SH3RF3: variants seen among roughly 807,000 people sequenced by gnomAD.
The protein encoded by SH3RF3 is E3 ubiquitin-protein ligase SH3RF3.
In SH3RF3, 29 loss-of-function variants were observed where a neutral mutation model predicts 66.3. The observed-to-expected ratio is 0.44, with a 90% CI of 0.33 to 0.60. The LOEUF is 0.60. SH3RF3 is among the 20% of genes least tolerant of loss of function. The pLI is 0.04. For missense variants in SH3RF3, 1,194 were observed against 1,190.9 expected (o/e 1.00, Z -0.04); for synonymous variants, 583 against 532.0 (o/e 1.10, Z -1.32).
At chr2:109,456,627 C>T (rs556447191) in intron 8 of SH3RF3, among the ~76,000 whole-genome samples, 1 of 152,320 alleles carries the variant, frequency 6.6e-6, no homozygotes, top group African/African-American at 2.4e-5. Context: ...AGCTGGCTGT[C>T]CCCAGTTCTC....
chr2:109,235,596 C>T (rs1480784550), intron 1 of SH3RF3, among the ~76,000 whole-genome samples: 2 of 152,236 alleles, frequency 1.3e-5, no homozygotes, highest in Non-Finnish European at 2.9e-5. Context: ...GATGCCATGG[C>T]ATGGGCCTCG....
chr2:109,348,250 A>G (rs1436155644), intron 2 of SH3RF3, among the ~76,000 whole-genome samples: 3 of 152,200 alleles, frequency 2.0e-5, no homozygotes, highest in African/African-American at 7.2e-5. Context: ...CCCTCAGTTA[A>G]CCTGAGTCAT....
At chr2:109,482,803 C>T (rs1033144915) in intron 8 of SH3RF3, among the ~76,000 whole-genome samples, 5 of 152,176 alleles carry the variant, frequency 3.3e-5, no homozygotes, top group East Asian at 1.9e-4. Flanking sequence ...CAACACGATG[C>T]GGCGGTCACG....
chr2:109,339,097 C>T (rs899106484), intron 1 of SH3RF3, among the ~76,000 whole-genome samples: 3 of 152,120 alleles, frequency 2.0e-5, no homozygotes, highest in Admixed American at 6.5e-5. Flanking sequence ...ATCATCTTCA[C>T]GTTGTGTGGG....
At chr2:109,456,710 C>T (rs914613276) in intron 8 of SH3RF3, among the ~76,000 whole-genome samples, 4 of 152,134 alleles carry the variant, frequency 2.6e-5, no homozygotes, top group East Asian at 1.9e-4. Context: ...TGCTGGTGAC[C>T]CTTTCAGGGT....
chr2:109,397,231 C>T (rs1339536173), intron 3 of SH3RF3, among the ~76,000 whole-genome samples: 1 of 152,190 alleles, frequency 6.6e-6, no homozygotes, highest in East Asian at 1.9e-4. Context: ...CCGCTTCCTC[C>T]TGCCCTGAGC....
At chr2:109,474,701 C>T (rs974241579) in intron 8 of SH3RF3, among the ~76,000 whole-genome samples, 8 of 152,226 alleles carry the variant, frequency 5.3e-5, no homozygotes, top group African/African-American at 7.2e-5. Context: ...TCCAAAGCAT[C>T]GCAGATACTT....
intron 1 of SH3RF3, among the ~76,000 whole-genome samples, chr2:109,257,518 G>GC (rs1680249852): frequency 6.6e-6 from 1 of 152,158 alleles, no homozygotes; most frequent in Non-Finnish European, 1.5e-5. Flanking sequence ...CAAGAGTCTG[G>GC]CTGGGAGGTT....
At chr2:109,279,042 G>T (rs1680822914) in intron 1 of SH3RF3, among the ~76,000 whole-genome samples, 2 of 152,174 alleles carry the variant, frequency 1.3e-5, no homozygotes, top group Admixed American at 1.3e-4. Context: ...TTCTTCCAGG[G>T]TGATGGGGGA....
In SH3RF3 at chr2:109,372,090, C is replaced by G. The variant is rs547603375; in HGVS notation, c.945+409C>G. Among the ~76,000 whole-genome samples, 49 of 152,332 alleles carry G rather than the reference C, an allele frequency of 3.2e-4. No individual in the cohort carries two copies. The South Asian group carries it at 9.7e-3, about 30-fold the overall frequency. Reference sequence around the variant, plus strand: ...GGCAGCATTTTCCCTTCCCACTGCACACGGATTGGAAGGAACCGTTGCTGG... The same window carrying G: ...GGCAGCATTTTCCCTTCCCACTGCAGACGGATTGGAAGGAACCGTTGCTGG... On this transcript the variant is annotated intron_variant, in intron 3 of 9. Coordinates refer to ENST00000309415, the MANE Select transcript of SH3RF3 (RefSeq NM_001099289.3).
At chr2:109,456,559 G>A (rs1004613698) in intron 8 of SH3RF3, among the ~76,000 whole-genome samples, 4 of 152,230 alleles carry the variant, frequency 2.6e-5, no homozygotes, top group African/African-American at 9.6e-5. Context: ...CTGAGCAGAG[G>A]TCAGTGGTGG....
intron 2 of SH3RF3, among the ~76,000 whole-genome samples, chr2:109,367,673 G>A (rs1559045880): frequency 2.0e-5 from 3 of 152,098 alleles, no homozygotes; most frequent in Admixed American, 6.6e-5. Context: ...TCCATTGAAT[G>A]CACAATACTG....
intron 2 of SH3RF3, among the ~76,000 whole-genome samples, chr2:109,349,375 C>T (rs1255891830): frequency 6.6e-6 from 1 of 152,236 alleles, no homozygotes; most frequent in South Asian, 2.1e-4. Flanking sequence ...TCTGGCTGCA[C>T]AGCTTCCCGG....
intron 5 of SH3RF3, among the ~76,000 whole-genome samples, chr2:109,428,543 C>G (rs183355485): frequency 6.6e-6 from 1 of 152,230 alleles, no homozygotes; most frequent in Non-Finnish European, 1.5e-5. Context: ...GCACACCTGC[C>G]GCGGCCACTT....
Position 109,130,067 on chromosome 2 carries a change from G to A in SH3RF3, c.527G>A (p.Gly176Asp). 1 of 1,368,556 alleles carries A rather than the reference G, an allele frequency of 7.3e-7. No homozygotes were observed. The highest frequency in any genetic ancestry group is 9.4e-7 in the Non-Finnish European group (1 of 1,062,108). The allele number at this position is 1,368,556 out of a possible 1,614,324, so 84.8% of individuals were successfully genotyped here. ...TCCGCGGCCGCGGGCAGCACCGCCG[G>A]CAGTCTGCGGGAGCTGGCGACCAGC... ...FLSAAAGSTA[G>D]SLRELATSRT... Residue 176 changes from glycine to aspartate, a missense_variant, in exon 1 of 10, where the codon GGC (glycine) becomes GAC (aspartate). By Grantham distance (94) the Gly-to-Asp change is moderately conservative. Transcript: ENST00000309415.
Position 109,495,477 on chromosome 2 carries a change from C to CTTTTTTTTTT in SH3RF3, c.2480+4564_2480+4573dup, listed in dbSNP as rs569509984. On this transcript the variant is annotated intron_variant, in intron 9 of 9. Transcript: ENST00000309415. ...ATTTCATCCTGAATATCTTTCATTC[C>CTTTTTTTTTT]TTTTTTTTTTTTTTTTTTTTTTTTT... Among the ~76,000 whole-genome samples, 29 of 94,278 alleles carry CTTTTTTTTTT rather than the reference C, an allele frequency of 3.1e-4. 3 individuals carry two copies. The highest frequency in any genetic ancestry group is 6.8e-4 in the African/African-American group (15 of 21,916). 61.9% of individuals were successfully genotyped at this position (94,278 alleles called of 152,430 possible).
In SH3RF3 at chr2:109,129,436, C is replaced by T. The variant is rs1330646099; in HGVS notation, c.-105C>T. 3.4e-6 allele frequency: 5 copies of T among 1,485,756 alleles called. No homozygotes were observed. Among genetic ancestry groups the T allele is most frequent in the Non-Finnish European group, 4.5e-6 (5 of 1,118,124 alleles). 92.0% of individuals were successfully genotyped at this position (1,485,756 alleles called of 1,614,324 possible). On this transcript the variant is annotated 5_prime_UTR_variant, in exon 1 of 10. It adds an upstream start codon to the 5' untranslated region. Transcript: ENST00000309415. ...CCACCAGCCGGGGTGAAGAAAGTCA[C>T]GGCGGAGCCCGGCTCCCCAGTCCTG... is the stretch of plus-strand genomic sequence containing the variant.
At chr2:109,154,870 T>C (rs541313842) in intron 1 of SH3RF3, among the ~76,000 whole-genome samples, 18 of 152,344 alleles carry the variant, frequency 1.2e-4, no homozygotes, top group African/African-American at 4.3e-4. Context: ...AAGGAAATTC[T>C]TCGGGAGCAG....
intron 1 of SH3RF3, among the ~76,000 whole-genome samples, chr2:109,152,337 T>C (rs1238407822): frequency 6.6e-6 from 1 of 152,218 alleles, no homozygotes; most frequent in African/African-American, 2.4e-5. Flanking sequence ...TGGCCTGCCC[T>C]TTCCCTGGTG....
Sources: allele counts gnomAD v4.1 joint callset (sites outside exome capture counted in the v4.1 genomes callset), GRCh38; gene constraint gnomAD v4.1.1; transcripts MANE v1.5; gene names NCBI Gene and HGNC (gene_info 2026-07-23, HGNC 2026-07-21).